SNX2: variants seen among roughly 807,000 people sequenced by gnomAD.
SNX2 encodes the protein sorting nexin 2, also known as sorting nexin-2.
A neutral mutation model predicts 69.9 loss-of-function variants in SNX2; 25 were observed. That is an observed-to-expected ratio of 0.36 (90% CI 0.26 to 0.50). SNX2 has a LOEUF of 0.50. SNX2 is among the 20% of genes least tolerant of loss of function. SNX2 has a pLI of 0.97. For missense variants in SNX2, 551 were observed against 613.3 expected, an observed-to-expected ratio of 0.90 and a Z score of 1.07; for synonymous variants, 229 against 200.4, an observed-to-expected ratio of 1.14 and a Z score of -1.20.
intron 1 of SNX2, among the ~76,000 whole-genome samples, chr5:122,780,547 A>G (rs928133685): frequency 1.3e-5 from 2 of 151,132 alleles, no homozygotes; most frequent in Admixed American, 6.6e-5. Context: ...ATAAAAGTAT[A>G]TATAACTTGT....
chr5:122,827,490 C>CAAGTT (rs1554064490), intron 13 of SNX2, 31 bp downstream of exon 13: 3 of 1,594,068 alleles, frequency 1.9e-6, no homozygotes, highest in Non-Finnish European at 2.6e-6. Context: ...TTTATCTTAA[C>CAAGTT]AACATGGTCA....
chr5:122,832,952 G>A lies in SNX2; in HGVS notation c.*3304G>A, dbSNP rs1335147140. ...GAAGGGAGGTTGCTGGTAGTTAGGT[G>A]GGAAAATAACACCTGTGAAAAGGAA... On this transcript the variant is annotated 3_prime_UTR_variant, in exon 15 of 15. Coordinates refer to ENST00000379516, the MANE Select transcript of SNX2 (RefSeq NM_003100.4). 1 of 152,160 alleles carries A rather than the reference G, an allele frequency of 6.6e-6. No individual in the cohort carries two copies. Among genetic ancestry groups the A allele is most frequent in the African/African-American group, 2.4e-5 (1 of 41,440 alleles). 9.4% of individuals were successfully genotyped at this position (152,160 alleles called of 1,614,324 possible). A position where few individuals can be genotyped will look rare whatever the true frequency, so the allele number is the denominator to read the frequency against.
At chr5:122,783,885 C>G (rs115451277) in intron 1 of SNX2, among the ~76,000 whole-genome samples, 2 of 149,984 alleles carry the variant, frequency 1.3e-5, no homozygotes, top group Admixed American at 6.7e-5. Context: ...CAATATTGAG[C>G]CTTCAAGCTA....
At chr5:122,802,304 A>G (rs1358659365) in intron 5 of SNX2, among the ~76,000 whole-genome samples, 180 bp downstream of exon 5, 2 of 152,214 alleles carry the variant, frequency 1.3e-5, no homozygotes, top group African/African-American at 2.4e-5. Context: ...CAGTGAGAGT[A>G]TGCAGGATGG....
intron 9 of SNX2, 116 bp downstream of exon 9, chr5:122,817,144 C>G: frequency 1.8e-6 from 2 of 1,116,066 alleles, no homozygotes; most frequent in Non-Finnish European, 2.7e-6. Flanking sequence ...GTTTAGTTCT[C>G]AGCCACATCA....
chr5:122,792,046 A>C (rs1753253053), intron 1 of SNX2, among the ~76,000 whole-genome samples: 2 of 152,240 alleles, frequency 1.3e-5, no homozygotes, highest in South Asian at 2.1e-4. Flanking sequence ...GAAATAATAC[A>C]CAAACTTGTT....
chr5:122,826,209 T>C lies in SNX2; in HGVS notation c.1356+16T>C, dbSNP rs913666719. 6.3e-6 allele frequency: 10 copies of C among 1,596,404 alleles called. No individual in the cohort carries two copies. The highest frequency in any genetic ancestry group is 8.6e-6 in the Non-Finnish European group (10 of 1,169,394). On this transcript the variant is annotated intron_variant, in intron 12 of 14. Coordinates refer to ENST00000379516, the MANE Select transcript of SNX2 (RefSeq NM_003100.4). ...AATAAGAGAGGTGATTACTAAATGC[T>C]TTAATCTCTTTACTTAAGTTTTGCA...
At chr5:122,785,957 A>G (rs1349792272) in intron 1 of SNX2, among the ~76,000 whole-genome samples, 5 of 152,176 alleles carry the variant, frequency 3.3e-5, no homozygotes, top group Non-Finnish European at 5.9e-5. Flanking sequence ...ACTGAGAGAA[A>G]AGTGTTGAAG....
rs749597668 is a variant in SNX2 at position 122,799,730 on chromosome 5, G to A, written c.265G>A (p.Glu89Lys). The A allele has an allele frequency of 8.6e-5, 139 of 1,613,554 alleles. 2 individuals carry two copies. The South Asian group carries it at 1.4e-3, about 17-fold the overall frequency. Residue 89 changes from glutamate to lysine, a missense_variant, in exon 3 of 15, where the codon GAA (glutamate) becomes AAA (lysine). Physicochemically the swap from Glu to Lys is moderately conservative, Grantham distance 56. Transcript: ENST00000379516. ...AGTTTCTTTGGACAGCCCTGAAAGG[G>A]AACCTATCCTATCCTCGGAACCTTC... ...EEVSLDSPER[E>K]PILSSEPSPA... is the part of the protein sequence containing the mutation.
At position 122,806,134 on chromosome 5, in the gene SNX2, A is replaced by ATGTG. The variant is rs142218645; in HGVS notation, c.644-2143_644-2142insTGTG. ...TGTGCGTGTGTGTATATATATACAC[A>ATGTG]CGCGCGCGCACACACACACACACAC... On this transcript the variant is annotated intron_variant, in intron 6 of 14. Coordinates refer to ENST00000379516, the MANE Select transcript of SNX2 (RefSeq NM_003100.4). 2.2e-3 allele frequency among the ~76,000 whole-genome samples: 264 copies of ATGTG among 121,464 alleles called. 2 individuals are homozygous for ATGTG. The highest frequency in any genetic ancestry group is 6.2e-3 in the African/African-American group (219 of 35,310). 79.7% of individuals were successfully genotyped at this position (121,464 alleles called of 152,430 possible). A position where few individuals can be genotyped will look rare whatever the true frequency, so the allele number is the denominator to read the frequency against.
At chr5:122,796,963 T>C (rs1753395943) in intron 2 of SNX2, among the ~76,000 whole-genome samples, 1 of 152,232 alleles carries the variant, frequency 6.6e-6, no homozygotes, top group African/African-American at 2.4e-5. Context: ...GGTCTCACTC[T>C]GTCACCCAAG....
intron 11 of SNX2, among the ~76,000 whole-genome samples, chr5:122,823,773 TGTG>T (rs938530044): frequency 6.2e-5 from 7 of 113,360 alleles, no homozygotes; most frequent in Non-Finnish European, 8.7e-5. Flanking sequence ...CTTTCCAACA[TGTG>T]GTCGTGTGTG....
intron 7 of SNX2, among the ~76,000 whole-genome samples, chr5:122,811,268 G>A (rs1753769972): frequency 6.6e-6 from 1 of 152,150 alleles, no homozygotes; most frequent in Admixed American, 6.5e-5. Context: ...ATTCCCCTGT[G>A]CCACACTCAG....
At chr5:122,802,928 C>T (rs1425215710) in intron 5 of SNX2, among the ~76,000 whole-genome samples, 1 of 152,080 alleles carries the variant, frequency 6.6e-6, no homozygotes, top group African/African-American at 2.4e-5. Context: ...GAGAGTGATC[C>T]ATGGAGAAAG....
chr5:122,790,779 T>C lies in SNX2; in HGVS notation c.109-4487T>C, dbSNP rs145592578. On this transcript the variant is annotated intron_variant, in intron 1 of 14. Coordinates refer to ENST00000379516, the MANE Select transcript of SNX2 (RefSeq NM_003100.4). ...AGAGAAGTAGGACTTTGGGAAAATA[T>C]CTGGATTTCTGAATTGGGTCACCTA... is the stretch of plus-strand genomic sequence containing the variant. 3.9e-3 allele frequency among the ~76,000 whole-genome samples: 594 copies of C among 152,310 alleles called. 7 individuals are homozygous for C. The highest frequency in any genetic ancestry group is 0.014 in the African/African-American group (564 of 41,572).
intron 11 of SNX2, among the ~76,000 whole-genome samples, chr5:122,822,952 A>G (rs553859218): frequency 1.3e-5 from 2 of 152,390 alleles, no homozygotes; most frequent in East Asian, 3.8e-4. Flanking sequence ...GCACCTCTTC[A>G]GAACTCCATG....
intron 11 of SNX2, among the ~76,000 whole-genome samples, chr5:122,819,689 T>C (rs1015149985): frequency 6.6e-6 from 1 of 152,238 alleles, no homozygotes; most frequent in Non-Finnish European, 1.5e-5. Flanking sequence ...GAAGATACTT[T>C]AAGATCTTTG....
chr5:122,825,756 GTTATAAATC>G (rs1487959967), intron 11 of SNX2, among the ~76,000 whole-genome samples: 2 of 152,058 alleles, frequency 1.3e-5, no homozygotes, highest in Non-Finnish European at 2.9e-5. Context: ...ATAAAACGCT[GTTATAAATC>G]TTATAAACCA....
rs764625672 is a variant in SNX2 at position 122,794,168 on chromosome 5, G to A, written c.109-1098G>A. 2.9e-4 allele frequency among the ~76,000 whole-genome samples: 44 copies of A among 151,974 alleles called. 1 individual carries two copies. Among genetic ancestry groups the A allele is most frequent in the Admixed American group, 1.4e-3 (21 of 15,264 alleles). Reference sequence around the variant, plus strand: ...TCTACTAAAAATACAAAAATTAGCCGGGCATGGTGGTGCATGCCTGTAATC... The same window carrying A: ...TCTACTAAAAATACAAAAATTAGCCAGGCATGGTGGTGCATGCCTGTAATC... On this transcript the variant is annotated intron_variant, in intron 1 of 14. Transcript: ENST00000379516.
Sources: gnomAD v4.1 joint callset for allele counts (sites outside exome capture counted in the v4.1 genomes callset) on GRCh38, gnomAD v4.1.1 for gene constraint, MANE v1.5 for transcripts, NCBI Gene and HGNC (gene_info 2026-07-23, HGNC 2026-07-21) for gene names.